Variants in GALNTL6 observed in about 807,000 individuals in gnomAD.
GALNTL6 encodes the protein polypeptide N-acetylgalactosaminyltransferase like 6.
A neutral mutation model predicts 73.7 loss-of-function variants in GALNTL6; 46 were observed. The observed-to-expected ratio is 0.62, with a 90% CI of 0.49 to 0.80. The LOEUF is 0.80. Among genes scored for constraint, GALNTL6 ranks in the 30% least tolerant of loss-of-function variants. GALNTL6 has a pLI of 0.00. For missense variants in GALNTL6, 604 were observed against 755.0 expected, an observed-to-expected ratio of 0.80 and a Z score of 2.34; for synonymous variants, 259 against 263.7, an observed-to-expected ratio of 0.98 and a Z score of 0.17.
At chr4:172,621,820 G>A (rs1037327317) in intron 5 of GALNTL6, among the ~76,000 whole-genome samples, 5 of 152,048 alleles carry the variant, frequency 3.3e-5, no homozygotes, top group Admixed American at 6.6e-5. Flanking sequence ...ATACTCTGCC[G>A]ATATTATATA....
At chr4:172,550,923 A>G (rs1263509868) in intron 5 of GALNTL6, among the ~76,000 whole-genome samples, 1 of 152,204 alleles carries the variant, frequency 6.6e-6, no homozygotes, top group African/African-American at 2.4e-5. Context: ...GAGCCCCCAC[A>G]TATTTAGGTT....
chr4:172,721,158 T>C (rs543206173), intron 5 of GALNTL6, among the ~76,000 whole-genome samples: 2 of 152,350 alleles, frequency 1.3e-5, no homozygotes, highest in African/African-American at 2.4e-5. Flanking sequence ...TCTAAAATGT[T>C]ATGGCATAAA....
chr4:171,830,087 AAGG>A, intron 2 of GALNTL6, among the ~76,000 whole-genome samples: 1 of 152,204 alleles, frequency 6.6e-6, no homozygotes, highest in East Asian at 1.9e-4. Flanking sequence ...GATAGATACC[AAGG>A]AGAAGGCAAT....
intron 2 of GALNTL6, among the ~76,000 whole-genome samples, chr4:171,832,872 A>G (rs557770732): frequency 6.6e-6 from 1 of 151,952 alleles, no homozygotes; most frequent in East Asian, 1.9e-4. Context: ...ACAAACATAA[A>G]CATTCAATAA....
At chr4:172,034,828 C>T (rs919784697) in intron 2 of GALNTL6, among the ~76,000 whole-genome samples, 4 of 152,020 alleles carry the variant, frequency 2.6e-5, no homozygotes, top group African/African-American at 9.7e-5. Context: ...GGTGCATCAA[C>T]AGTCAAGAAC....
At chr4:172,875,192 G>A (rs913981099) in intron 7 of GALNTL6, among the ~76,000 whole-genome samples, 1 of 152,156 alleles carries the variant, frequency 6.6e-6, no homozygotes, top group Admixed American at 6.5e-5. Context: ...GGCTATTAAT[G>A]TTAATGTGAC....
chr4:172,672,267 T>G (rs764373900), intron 5 of GALNTL6, among the ~76,000 whole-genome samples: 19 of 152,226 alleles, frequency 1.2e-4, no homozygotes, highest in Non-Finnish European at 2.2e-4. Context: ...ATTGAGATAA[T>G]CATGTGGTTT....
chr4:171,943,733 A>G (rs776439510), intron 2 of GALNTL6, among the ~76,000 whole-genome samples: 1 of 152,178 alleles, frequency 6.6e-6, no homozygotes, highest in Non-Finnish European at 1.5e-5. Context: ...TTCAAATGCA[A>G]AGAGAAACAG....
intron 5 of GALNTL6, among the ~76,000 whole-genome samples, chr4:172,488,296 T>C (rs1475945352): frequency 6.6e-6 from 1 of 152,244 alleles, no homozygotes; most frequent in Admixed American, 6.5e-5. Context: ...ATTATGCTCA[T>C]GGATTTTGTG....
chr4:172,458,964 A>G (rs940449287), intron 5 of GALNTL6, among the ~76,000 whole-genome samples: 2 of 152,228 alleles, frequency 1.3e-5, no homozygotes, highest in African/African-American at 2.4e-5. Flanking sequence ...AAAATCCTCA[A>G]TAAAATACTG....
chr4:171,976,326 T>C (rs1036290327), intron 2 of GALNTL6, among the ~76,000 whole-genome samples: 1 of 152,190 alleles, frequency 6.6e-6, no homozygotes, highest in Admixed American at 6.5e-5. Context: ...ATGTGAAAAA[T>C]AGAGGAAAGA....
chr4:172,823,938 G>A (rs879642170), intron 7 of GALNTL6, among the ~76,000 whole-genome samples: 20 of 152,058 alleles, frequency 1.3e-4, no homozygotes, highest in Admixed American at 1.3e-3. Flanking sequence ...ATCTTGTGCT[G>A]TCTAGATTCT....
chr4:172,931,392 CAG>C (rs1267165720), intron 9 of GALNTL6, 124 bp downstream of exon 9: 18 of 677,500 alleles, frequency 2.7e-5, no homozygotes, highest in South Asian at 1.6e-4. Context: ...CTGTGCTTCT[CAG>C]AGTCTTATTT....
chr4:172,153,369 C>T (rs1209193875), intron 2 of GALNTL6, among the ~76,000 whole-genome samples: 1 of 152,068 alleles, frequency 6.6e-6, no homozygotes, highest in Non-Finnish European at 1.5e-5. Context: ...AAATTGGAGT[C>T]GATCATATTC....
At chr4:172,283,101 A>ACAT (rs1367061815) in intron 3 of GALNTL6, among the ~76,000 whole-genome samples, 1 of 152,146 alleles carries the variant, frequency 6.6e-6, no homozygotes, top group Non-Finnish European at 1.5e-5. Flanking sequence ...AGATAATCCA[A>ACAT]CATCTCTGCG....
intron 5 of GALNTL6, among the ~76,000 whole-genome samples, chr4:172,539,875 TTA>T (rs10589603): frequency 0.28 from 34,759 of 125,990 alleles, 4,880 homozygotes; most frequent in East Asian, 0.49. Flanking sequence ...ATACATATGA[TTA>T]TATATATATA....
chr4:172,862,571 G>A (rs1300338186), intron 7 of GALNTL6, among the ~76,000 whole-genome samples: 2 of 152,108 alleles, frequency 1.3e-5, no homozygotes, highest in Non-Finnish European at 2.9e-5. Flanking sequence ...ATGGTGGCAT[G>A]CACTTGTAGT....
intron 5 of GALNTL6, among the ~76,000 whole-genome samples, chr4:172,741,740 C>T (rs1263343027): frequency 1.3e-5 from 2 of 151,606 alleles, no homozygotes; most frequent in African/African-American, 2.4e-5. Context: ...CCATGTACAC[C>T]CTGCTACATA....
intron 2 of GALNTL6, among the ~76,000 whole-genome samples, chr4:171,957,884 A>G (rs1489179439): frequency 6.6e-6 from 1 of 152,168 alleles, no homozygotes; most frequent in Non-Finnish European, 1.5e-5. Context: ...TCTAGCGGGA[A>G]TCCTAACCTA....
Sources: allele counts gnomAD v4.1 joint callset (sites outside exome capture counted in the v4.1 genomes callset), GRCh38; gene constraint gnomAD v4.1.1; transcripts MANE v1.5; gene names NCBI Gene and HGNC (gene_info 2026-07-23, HGNC 2026-07-21).